Variants in LRMDA observed in about 807,000 individuals in gnomAD.
LRMDA encodes the protein leucine-rich melanocyte differentiation-associated protein.
A neutral mutation model predicts 29.8 loss-of-function variants in LRMDA; 18 were observed. That is an observed-to-expected ratio of 0.60 (90% CI 0.42 to 0.90). LRMDA has a LOEUF of 0.90. LRMDA is among the 40% of genes least tolerant of loss of function. The probability of loss-of-function intolerance (pLI) is 0.00; values close to 1 mark genes in which losing one functional copy is unlikely to be tolerated. For synonymous variants in LRMDA, 125 were observed against 109.4 expected (o/e 1.14, Z -0.89); for missense variants, 273 against 273.9 (o/e 1.00, Z 0.02).
chr10:75,580,086 A>C (rs1162719038), intron 2 of LRMDA, among the ~76,000 whole-genome samples: 1 of 152,246 alleles, frequency 6.6e-6, no homozygotes, highest in Non-Finnish European at 1.5e-5. Context: ...ATCAGGCAAG[A>C]GAAAGAAATA....
At chr10:76,548,583 C>A (rs889247180) in intron 6 of LRMDA, among the ~76,000 whole-genome samples, 1 of 151,886 alleles carries the variant, frequency 6.6e-6, no homozygotes. Context: ...TGGAGTTTGA[C>A]CTCTCATATT....
At chr10:75,745,830 A>G (rs1053203928) in intron 2 of LRMDA, among the ~76,000 whole-genome samples, 10 of 152,066 alleles carry the variant, frequency 6.6e-5, no homozygotes, top group Admixed American at 6.5e-4. Context: ...TTTTTTCGTG[A>G]TGACCTTGAC....
intron 2 of LRMDA, among the ~76,000 whole-genome samples, chr10:75,749,935 C>A (rs1056662601): frequency 2.0e-5 from 3 of 152,146 alleles, no homozygotes; most frequent in South Asian, 2.1e-4. Context: ...TCAGAGAGCA[C>A]GGGGTTGGGG....
chr10:75,537,562 A>T (rs1049434066), intron 2 of LRMDA, among the ~76,000 whole-genome samples: 2 of 152,226 alleles, frequency 1.3e-5, no homozygotes, highest in South Asian at 4.1e-4. Context: ...GCCTGTATTG[A>T]CTACCAAATG....
chr10:75,612,607 GT>G (rs1179754424), intron 2 of LRMDA, among the ~76,000 whole-genome samples: 1 of 149,038 alleles, frequency 6.7e-6, no homozygotes, highest in Non-Finnish European at 1.5e-5. Context: ...TTTCCAAAGA[GT>G]TTGCTTATTT....
intron 2 of LRMDA, among the ~76,000 whole-genome samples, chr10:75,757,830 C>T (rs1198517761): frequency 1.4e-5 from 2 of 146,668 alleles, no homozygotes; most frequent in African/African-American, 5.1e-5. Context: ...GATGGAGTCG[C>T]ACTCTGTCAT....
At chr10:76,427,061 G>A (rs989917214) in intron 6 of LRMDA, among the ~76,000 whole-genome samples, 1 of 152,106 alleles carries the variant, frequency 6.6e-6, no homozygotes, top group African/African-American at 2.4e-5. Context: ...TTGTTCTTTT[G>A]GCTTAGGATT....
At chr10:75,889,514 AT>A in intron 2 of LRMDA, among the ~76,000 whole-genome samples, 1 of 152,002 alleles carries the variant, frequency 6.6e-6, no homozygotes, top group South Asian at 2.1e-4. Flanking sequence ...ATGGATTATT[AT>A]TTTTTTTCCA....
chr10:76,295,154 G>A (rs1840396022), intron 5 of LRMDA, among the ~76,000 whole-genome samples: 2 of 152,168 alleles, frequency 1.3e-5, no homozygotes, highest in Admixed American at 1.3e-4. Context: ...TGGTTTAATG[G>A]TATAAGGAGG....
At chr10:76,096,022 A>G (rs936059907) in intron 5 of LRMDA, among the ~76,000 whole-genome samples, 1 of 151,660 alleles carries the variant, frequency 6.6e-6, no homozygotes, top group South Asian at 2.1e-4. Flanking sequence ...GATATAAGTC[A>G]TTTTGAGATA....
intron 2 of LRMDA, among the ~76,000 whole-genome samples, chr10:75,864,301 C>CTCTATGAACCTATG (rs1844983922): frequency 2.0e-5 from 3 of 151,924 alleles, no homozygotes; most frequent in African/African-American, 7.3e-5. Context: ...TGAAGGAAGC[C>CTCTATGAACCTATG]GGATGTGCTC....
intron 6 of LRMDA, among the ~76,000 whole-genome samples, chr10:76,547,928 A>C (rs1843441898): frequency 6.6e-6 from 1 of 152,190 alleles, no homozygotes; most frequent in Non-Finnish European, 1.5e-5. Flanking sequence ...CACTCACACC[A>C]AACTAGTCTT....
chr10:75,993,821 G>A (rs1031573268), intron 2 of LRMDA, among the ~76,000 whole-genome samples: 2 of 152,094 alleles, frequency 1.3e-5, no homozygotes, highest in African/African-American at 2.4e-5. Context: ...TAGAGTCTGT[G>A]CTTGGTGACT....
chr10:75,744,613 T>G (rs1466434938), intron 2 of LRMDA, among the ~76,000 whole-genome samples: 1 of 152,144 alleles, frequency 6.6e-6, no homozygotes, highest in Non-Finnish European at 1.5e-5. Flanking sequence ...AAACCTGAGA[T>G]GGAGACAGAA....
intron 5 of LRMDA, among the ~76,000 whole-genome samples, chr10:76,177,846 A>G (rs1850969411): frequency 6.6e-6 from 1 of 152,254 alleles, no homozygotes; most frequent in African/African-American, 2.4e-5. Flanking sequence ...TGGAGATGAT[A>G]GAGCCATTTT....
chr10:76,320,821 C>T (rs776416454), intron 5 of LRMDA, among the ~76,000 whole-genome samples: 1 of 152,242 alleles, frequency 6.6e-6, no homozygotes, highest in African/African-American at 2.4e-5. Flanking sequence ...TCCTACTACA[C>T]TGCCCCTTGG....
At chr10:76,156,716 T>C (rs1021011789) in intron 5 of LRMDA, among the ~76,000 whole-genome samples, 10 of 152,200 alleles carry the variant, frequency 6.6e-5, no homozygotes, top group African/African-American at 2.4e-4. Flanking sequence ...GAATGTCAGC[T>C]GGGGACTTAA....
rs527604374 is a variant in LRMDA at position 75,894,303 on chromosome 10, T to G, written c.132-141705T>G. Among the ~76,000 whole-genome samples, 3 of 152,334 alleles carry G rather than the reference T, an allele frequency of 2.0e-5. No homozygotes were observed. In the East Asian group the frequency reaches 5.8e-4, roughly 29 times the overall value. On this transcript the variant is annotated intron_variant, in intron 2 of 6. Coordinates refer to ENST00000611255, the MANE Select transcript of LRMDA (RefSeq NM_001305581.2). ...GTCTGGTTTTCAGTTCCTGAGTTGC[T>G]TCACTCAGAATAATAGTCTCCAATC... is the stretch of plus-strand genomic sequence containing the variant.
At chr10:75,946,569 A>G (rs1483681607) in intron 2 of LRMDA, among the ~76,000 whole-genome samples, 1 of 152,202 alleles carries the variant, frequency 6.6e-6, no homozygotes, top group Non-Finnish European at 1.5e-5. Flanking sequence ...ACAACCTCTT[A>G]GAGGAGTATG....
Sources: gnomAD v4.1 joint callset for allele counts (sites outside exome capture counted in the v4.1 genomes callset) on GRCh38, gnomAD v4.1.1 for gene constraint, MANE v1.5 for transcripts, NCBI Gene and HGNC (gene_info 2026-07-23, HGNC 2026-07-21) for gene names.